The following CLVS1 variants were observed in gnomAD, a reference collection of about 807,000 sequenced individuals.
CLVS1 encodes the protein clavesin 1, also known as clavesin-1.
A neutral mutation model predicts 33.1 loss-of-function variants in CLVS1; 10 were observed. The observed-to-expected ratio is 0.30, with a 90% CI of 0.19 to 0.51. The LOEUF is 0.51. CLVS1 is among the 20% of genes least tolerant of loss of function. The pLI is 0.97. For missense variants in CLVS1, 343 were observed against 433.4 expected (o/e 0.79, Z 1.85); for synonymous variants, 163 against 166.1 (o/e 0.98, Z 0.14).
the CLVS1 span, among the ~76,000 whole-genome samples, chr8:61,008,138 C>T: frequency 3.3e-5 from 5 of 152,174 alleles, no homozygotes; most frequent in Non-Finnish European, 5.9e-5. Context: ...ATGCGCAGGA[C>T]GCAGATCGTC....
At chr8:60,983,728 G>A in the CLVS1 span, among the ~76,000 whole-genome samples, 1 of 152,166 alleles carries the variant, frequency 6.6e-6, no homozygotes, top group East Asian at 1.9e-4. Context: ...TGGCACCTTT[G>A]CTGTGTTGTC....
intron 1 of CLVS1, among the ~76,000 whole-genome samples, chr8:61,089,698 T>C (rs7818505): frequency 0.046 from 6,928 of 152,142 alleles, 531 homozygotes; most frequent in African/African-American, 0.16. Flanking sequence ...GCAGGAGAAA[T>C]GCTTGAGGCC....
intron 3 of CLVS1, among the ~76,000 whole-genome samples, chr8:61,438,461 C>T (rs1816425647): frequency 6.6e-6 from 1 of 152,148 alleles, no homozygotes; most frequent in African/African-American, 2.4e-5. Context: ...CATGTCTTTG[C>T]TATTGTGAAT....
At chr8:61,490,818 C>T (rs910459300) in intron 5 of CLVS1, among the ~76,000 whole-genome samples, 18 of 151,548 alleles carry the variant, frequency 1.2e-4, no homozygotes, top group African/African-American at 2.4e-4. Flanking sequence ...ATTAGCTGAG[C>T]GTGGTGGCGG....
intron 1 of CLVS1, among the ~76,000 whole-genome samples, chr8:61,108,557 A>G (rs987993394): frequency 1.3e-5 from 2 of 152,204 alleles, no homozygotes; most frequent in African/African-American, 2.4e-5. Flanking sequence ...TGAAAGAGAC[A>G]TATATTATTA....
intron 2 of CLVS1, among the ~76,000 whole-genome samples, chr8:61,139,065 C>G (rs527637487): frequency 3.9e-5 from 6 of 152,392 alleles, no homozygotes; most frequent in African/African-American, 9.6e-5. Flanking sequence ...ATCCTTGCCT[C>G]TCCAGGATGC....
In CLVS1 at chr8:61,499,561, G is replaced by T. The variant is rs369409249; in HGVS notation, c.*19G>T. On this transcript the variant is annotated 3_prime_UTR_variant, in exon 6 of 6. Coordinates refer to ENST00000325897, the MANE Select transcript of CLVS1 (RefSeq NM_173519.3). ...GGACTGAACCCTGAGTCACCCCAAT[G>T]CTCCTGCACACTGGCCTTCAGTGGT... 6.3e-6 allele frequency: 10 copies of T among 1,596,804 alleles called. No individual in the cohort carries two copies. In the African/African-American group the frequency reaches 1.3e-4, roughly 21 times the overall value.
intron 1 of CLVS1, among the ~76,000 whole-genome samples, chr8:61,117,977 C>A (rs1410617463): frequency 1.2e-4 from 19 of 152,116 alleles, no homozygotes; most frequent in African/African-American, 4.1e-4. Context: ...CTCTGGTAGA[C>A]TTCGGCTGTG....
At chr8:61,292,161 A>G (rs1010416525) in intron 1 of CLVS1, 2 of 308,778 alleles carry the variant, frequency 6.5e-6, no homozygotes, top group African/African-American at 4.3e-5. Flanking sequence ...TGACTATTAA[A>G]TAATAAGACC....
At chr8:61,141,889 C>T (rs1806314474) in intron 2 of CLVS1, among the ~76,000 whole-genome samples, 1 of 152,186 alleles carries the variant, frequency 6.6e-6, no homozygotes, top group Non-Finnish European at 1.5e-5. Flanking sequence ...TTATTTTGAG[C>T]AGGGCTCTAT....
At chr8:61,125,444 TAAGTTC>T (rs1805952007) in intron 1 of CLVS1, among the ~76,000 whole-genome samples, 1 of 152,180 alleles carries the variant, frequency 6.6e-6, no homozygotes, top group Non-Finnish European at 1.5e-5. Flanking sequence ...AAAAAAGACA[TAAGTTC>T]AGTTCCTCAT....
At chr8:61,367,808 A>G (rs952327449) in intron 2 of CLVS1, among the ~76,000 whole-genome samples, 7 of 152,200 alleles carry the variant, frequency 4.6e-5, no homozygotes, top group South Asian at 2.1e-4. Context: ...CCTCCCATGT[A>G]CATATATTTT....
the CLVS1 span, among the ~76,000 whole-genome samples, chr8:60,966,895 G>T: frequency 5.3e-5 from 8 of 152,144 alleles, no homozygotes; most frequent in Admixed American, 4.6e-4. Flanking sequence ...TGGGGATCAA[G>T]GTTAGAGGGA....
intron 2 of CLVS1, among the ~76,000 whole-genome samples, chr8:61,159,446 A>T (rs1806712407): frequency 6.6e-6 from 1 of 152,226 alleles, no homozygotes; most frequent in Non-Finnish European, 1.5e-5. Flanking sequence ...GTACCAAAGG[A>T]AAAACTTTGC....
intron 1 of CLVS1, among the ~76,000 whole-genome samples, chr8:61,060,625 C>T (rs1247685607): frequency 6.6e-6 from 1 of 152,178 alleles, no homozygotes. Context: ...CCTTCCCACC[C>T]CTTATATTCA....
chr8:61,105,958 T>C (rs1180662135), intron 1 of CLVS1, among the ~76,000 whole-genome samples: 1 of 152,162 alleles, frequency 6.6e-6, no homozygotes, highest in African/African-American at 2.4e-5. Context: ...CAGGGATCCC[T>C]TGGAAGCCAG....
chr8:61,238,547 A>T (rs566417378), intron 2 of CLVS1, among the ~76,000 whole-genome samples: 1 of 152,286 alleles, frequency 6.6e-6, no homozygotes, highest in African/African-American at 2.4e-5. Context: ...GAATGGCTTC[A>T]TTCTGTTCTC....
Position 61,265,732 on chromosome 8 carries a change from T to G in CLVS1, c.-151-33945T>G, listed in dbSNP as rs185123742. On this transcript the variant is annotated intron_variant, in intron 2 of 2. Transcript: ENST00000522621. ...CTTGTTGCCTGCTCCACTTACCCTC[T>G]GTTACTACAGAGCAGCCAGCATCTG... 2.5e-3 allele frequency among the ~76,000 whole-genome samples: 388 copies of G among 152,342 alleles called. 2 individuals are homozygous for G. The highest frequency in any genetic ancestry group is 9.0e-3 in the African/African-American group (373 of 41,584).
chr8:61,478,576 C>T (rs1272215836), intron 5 of CLVS1, among the ~76,000 whole-genome samples: 1 of 152,144 alleles, frequency 6.6e-6, no homozygotes, highest in East Asian at 1.9e-4. Context: ...ATGTAATGGC[C>T]TTCTATGTCT....
Sources: allele counts gnomAD v4.1 joint callset (sites outside exome capture counted in the v4.1 genomes callset), GRCh38; gene constraint gnomAD v4.1.1; transcripts MANE v1.5; gene names NCBI Gene and HGNC (gene_info 2026-07-23, HGNC 2026-07-21).